EDNRA: variants seen among roughly 807,000 people sequenced by gnomAD.
EDNRA encodes endothelin receptor type A, also known as endothelin-1 receptor.
EDNRA carries 11 observed loss-of-function variants against 41.4 expected under a neutral mutation model. That is an observed-to-expected ratio of 0.27 (90% CI 0.17 to 0.44). EDNRA has a LOEUF of 0.44. Ranked by LOEUF, EDNRA falls within the 20% of genes least tolerant of loss-of-function variation. The pLI is 1.00. For synonymous variants in EDNRA, 172 were observed against 183.0 expected (o/e 0.94, Z 0.49); for missense variants, 294 against 531.0 (o/e 0.55, Z 4.39).
chr4:147,533,668 T>G (rs1327599376), intron 4 of EDNRA, among the ~76,000 whole-genome samples: 1 of 152,224 alleles, frequency 6.6e-6, no homozygotes, highest in Non-Finnish European at 1.5e-5. Flanking sequence ...CTTACTGGGT[T>G]AGTCTTCAAA....
At chr4:147,497,599 T>C (rs568331182) in intron 2 of EDNRA, among the ~76,000 whole-genome samples, 4 of 151,444 alleles carry the variant, frequency 2.6e-5, no homozygotes, top group African/African-American at 4.8e-5. Flanking sequence ...TGAGATGGAG[T>C]CTCGCTCTGT....
At chr4:147,496,086 A>T (rs543544222) in intron 2 of EDNRA, 3 of 152,354 alleles carry the variant, frequency 2.0e-5, no homozygotes, top group African/African-American at 7.2e-5. Flanking sequence ...AATATTGCTT[A>T]TCAAAATATG....
At chr4:147,498,124 C>T (rs958090295) in intron 2 of EDNRA, among the ~76,000 whole-genome samples, 1 of 152,178 alleles carries the variant, frequency 6.6e-6, no homozygotes, top group East Asian at 1.9e-4. Context: ...AACCCACTGA[C>T]CACATATGAA....
chr4:147,497,795 A>G (rs1729364414), intron 2 of EDNRA, among the ~76,000 whole-genome samples: 1 of 152,094 alleles, frequency 6.6e-6, no homozygotes, highest in Admixed American at 6.5e-5. Flanking sequence ...GACGGTCTGC[A>G]TCTCCTGACC....
intron 7 of EDNRA, among the ~76,000 whole-genome samples, chr4:147,542,244 G>A (rs1228764956): frequency 6.6e-6 from 1 of 152,132 alleles, no homozygotes; most frequent in Non-Finnish European, 1.5e-5. Context: ...CCTTTCTCTT[G>A]CACTTGGTAA....
chr4:147,539,388 T>G (rs2126486351), intron 5 of EDNRA, among the ~76,000 whole-genome samples: 1 of 152,108 alleles, frequency 6.6e-6, no homozygotes, highest in East Asian at 1.9e-4. Context: ...CCATCATTAA[T>G]GCTAATTAGT....
chr4:147,500,144 TACTC>T (rs1729462975), intron 2 of EDNRA, among the ~76,000 whole-genome samples: 1 of 152,272 alleles, frequency 6.6e-6, no homozygotes, highest in Non-Finnish European at 1.5e-5. Context: ...TACTTGAAGT[TACTC>T]AGTCAGAAAA....
chr4:147,538,792 T>G (rs963204880), intron 5 of EDNRA, among the ~76,000 whole-genome samples: 6 of 152,192 alleles, frequency 3.9e-5, no homozygotes, highest in African/African-American at 1.2e-4. Context: ...TTTGAATGGC[T>G]CAGCCAATCA....
rs749260824 is a variant in EDNRA at position 147,532,709 on chromosome 4, T to C, written c.747+5T>C. The C allele has an allele frequency of 6.2e-7, 1 of 1,613,880 alleles. No individual in the cohort carries two copies. The highest frequency in any genetic ancestry group is 8.5e-7 in the Non-Finnish European group (1 of 1,179,868). ...GCCACATCAAAATTCATGGAGGTAC[T>C]AAACGTTTAAAAGGAATTAACTGGG... On this transcript the variant is annotated splice_donor_5th_base_variant and intron_variant, in intron 4 of 7. Coordinates refer to ENST00000651419, the MANE Select transcript of EDNRA (RefSeq NM_001957.4).
At chr4:147,522,118 A>T (rs1423933003) in intron 3 of EDNRA, among the ~76,000 whole-genome samples, 5 of 152,246 alleles carry the variant, frequency 3.3e-5, no homozygotes, top group African/African-American at 1.2e-4. Context: ...TCAATAAATT[A>T]TGCTATTTAG....
chr4:147,504,999 A>G (rs906079770), intron 2 of EDNRA, among the ~76,000 whole-genome samples: 6 of 136,392 alleles, frequency 4.4e-5, no homozygotes, highest in African/African-American at 1.8e-4. Flanking sequence ...TAGAATATAC[A>G]GAGAATTCTC....
At chr4:147,526,690 G>C (rs1730561730) in intron 3 of EDNRA, among the ~76,000 whole-genome samples, 1 of 152,216 alleles carries the variant, frequency 6.6e-6, no homozygotes, top group South Asian at 2.1e-4. Context: ...AGCAGTTGCA[G>C]TGGCTCAGCC....
Position 147,485,680 on chromosome 4 carries a change from A to C in EDNRA, c.-2A>C. The C allele has an allele frequency of 6.3e-7, 1 of 1,580,290 alleles. No individual in the cohort carries two copies. Among genetic ancestry groups the C allele is most frequent in the Middle Eastern group, 1.7e-4 (1 of 5,892 alleles). On this transcript the variant is annotated 5_prime_UTR_variant, in exon 2 of 8. Transcript: ENST00000651419. ...GAGATATTTCCTCAAATTTGCCTCAAGATGGAAACCCTTTGCCTCAGGGCA... is the reference window on the plus strand; with the variant it reads ...GAGATATTTCCTCAAATTTGCCTCACGATGGAAACCCTTTGCCTCAGGGCA...
chr4:147,513,274 A>G (rs926750461), intron 2 of EDNRA, among the ~76,000 whole-genome samples: 4 of 152,192 alleles, frequency 2.6e-5, no homozygotes, highest in African/African-American at 7.2e-5. Context: ...TGCATTTGTC[A>G]TACATCCTGA....
rs1382336770 is a variant in EDNRA, at chr4:147,485,632, T to C, written c.-50T>C. On this transcript the variant is annotated 5_prime_UTR_variant, in exon 2 of 8. Transcript: ENST00000651419. ...TTCAGGTGAAAAAAAAGTGAAGGTG[T>C]AAAAGCAGCACAAGTGCAATAAGAG... is the stretch of plus-strand genomic sequence containing the variant. 5 of 1,517,830 alleles carry C rather than the reference T, an allele frequency of 3.3e-6. No homozygotes were observed. In the African/African-American group the frequency reaches 7.0e-5, roughly 21 times the overall value. The allele number at this position is 1,517,830 out of a possible 1,614,324, so 94.0% of individuals were successfully genotyped here.
At chr4:147,506,333 G>A (rs979799219) in intron 2 of EDNRA, 1 of 430,670 alleles carries the variant, frequency 2.3e-6, no homozygotes, top group Non-Finnish European at 4.5e-6. Context: ...CATCAGATAA[G>A]CTGTCTTCGG....
chr4:147,506,296 A>T, intron 2 of EDNRA: 1 of 461,544 alleles, frequency 2.2e-6, no homozygotes, highest in Non-Finnish European at 4.2e-6. Context: ...ATTGGAGGCC[A>T]TATATGAACA....
chr4:147,501,810 A>G (rs1047085308), intron 2 of EDNRA, among the ~76,000 whole-genome samples: 11 of 152,230 alleles, frequency 7.2e-5, no homozygotes, highest in Admixed American at 3.3e-4. Flanking sequence ...CTATGCTACA[A>G]TTGTAACCAT....
At chr4:147,483,236 A>AGTC (rs1262146441) in intron 1 of EDNRA, among the ~76,000 whole-genome samples, 1 of 152,250 alleles carries the variant, frequency 6.6e-6, no homozygotes, top group Non-Finnish European at 1.5e-5. Context: ...GAGCTGACAA[A>AGTC]TACATGGCCT....
Sources: gnomAD v4.1 joint callset for allele counts (sites outside exome capture counted in the v4.1 genomes callset) on GRCh38, gnomAD v4.1.1 for gene constraint, MANE v1.5 for transcripts, NCBI Gene and HGNC (gene_info 2026-07-23, HGNC 2026-07-21) for gene names.